Variants in ADGRA3 observed in about 807,000 individuals in gnomAD.
ADGRA3 encodes the protein adhesion G protein-coupled receptor A3.
Under a neutral mutation model 119.8 loss-of-function variants are expected in ADGRA3, and 56 were observed. The observed-to-expected ratio is 0.47, with a 90% confidence interval of 0.38 to 0.58. The LOEUF (loss-of-function observed/expected upper bound fraction) is 0.58, where lower values mean the gene tolerates loss of function less well. Ranked by LOEUF, ADGRA3 falls within the 20% of genes least tolerant of loss-of-function variation. The pLI is 0.00. For missense variants in ADGRA3, 1,516 were observed against 1,649.0 expected, an observed-to-expected ratio of 0.92 and a Z score of 1.40; for synonymous variants, 607 against 623.8, an observed-to-expected ratio of 0.97 and a Z score of 0.40.
intron 1 of ADGRA3, among the ~76,000 whole-genome samples, chr4:22,498,849 G>C (rs61793408): frequency 0.08 from 12,145 of 151,990 alleles, 635 homozygotes; most frequent in Middle Eastern, 0.12. Context: ...GGCAGGTAGA[G>C]GTTTCAGTGA....
chr4:22,421,854 C>G (rs1715700869), intron 11 of ADGRA3, among the ~76,000 whole-genome samples: 2 of 126,442 alleles, frequency 1.6e-5, no homozygotes, highest in African/African-American at 3.1e-5. Flanking sequence ...GCACTCCAGC[C>G]TGGACAACAG....
intron 1 of ADGRA3, among the ~76,000 whole-genome samples, chr4:22,476,672 T>G (rs1041934369): frequency 7.1e-6 from 1 of 141,176 alleles, no homozygotes; most frequent in South Asian, 2.2e-4. Context: ...CTGTTTTGGG[T>G]TTTTTTTTTT....
intron 2 of ADGRA3, among the ~76,000 whole-genome samples, chr4:22,467,260 A>T (rs1167015365): frequency 6.6e-6 from 1 of 152,226 alleles, no homozygotes; most frequent in Non-Finnish European, 1.5e-5. Context: ...AAAATTCTTC[A>T]TAATCAAATG....
At chr4:22,435,584 C>T (rs1240214643) in intron 9 of ADGRA3, 118 bp from the exon 10 acceptor site, 1 of 864,188 alleles carries the variant, frequency 1.2e-6, no homozygotes, top group South Asian at 2.6e-5. Context: ...TTATTATTTA[C>T]TCATCATGGC....
At chr4:22,392,195 T>G (rs1714160412) in intron 17 of ADGRA3, among the ~76,000 whole-genome samples, 1 of 152,196 alleles carries the variant, frequency 6.6e-6, no homozygotes, top group South Asian at 2.1e-4. Flanking sequence ...CATACTTGAG[T>G]ATGACATAAG....
At chr4:22,510,531 C>G (rs1192903820) in intron 1 of ADGRA3, among the ~76,000 whole-genome samples, 1 of 152,046 alleles carries the variant, frequency 6.6e-6, no homozygotes, top group Admixed American at 6.6e-5. Context: ...CTCCTCTCCC[C>G]TCTGTGCACT....
chr4:22,468,879 GTATC>G (rs1288813033), intron 2 of ADGRA3, among the ~76,000 whole-genome samples: 1 of 151,994 alleles, frequency 6.6e-6, no homozygotes, highest in Non-Finnish European at 1.5e-5. Context: ...TCTAAAAAAG[GTATC>G]TATCAAAAAA....
At chr4:22,406,610 A>G (rs1325632236) in intron 14 of ADGRA3, among the ~76,000 whole-genome samples, 1 of 152,102 alleles carries the variant, frequency 6.6e-6, no homozygotes, top group Non-Finnish European at 1.5e-5. Context: ...TCTTCTTTTC[A>G]GAGTATCTAG....
At position 22,401,552 on chromosome 4, in the gene ADGRA3, A is replaced by G. The variant is rs1027252943; in HGVS notation, c.2360T>C (p.Leu787Ser). The G allele has an allele frequency of 8.7e-6, 14 of 1,601,306 alleles. No homozygotes were observed. Among genetic ancestry groups the G allele is most frequent in the Non-Finnish European group, 1.2e-5 (14 of 1,172,454 alleles). The stretch of plus-strand genomic sequence containing the variant: ...CCAGCTCTTGAGGCTGATTCTAATC[A>G]AACTGTTTAAAAAAGAGAGAAAATA... ...VIVSYIYHHS[L>S]IRISLKSWHM... is the part of the protein sequence containing the mutation. Residue 787 changes from leucine (L) to serine (S), a missense_variant and splice_region_variant, in exon 16 of 19, where the codon TTG (leucine) becomes TCG (serine). Around this residue, in one of 2 missense-constraint regions of ADGRA3, gnomAD observed 1,088 missense variants for 1,107.1 expected, o/e 0.98. Coordinates refer to ENST00000334304, the MANE Select transcript of ADGRA3 (RefSeq NM_145290.4).
chr4:22,445,540 T>C (rs952763759), intron 5 of ADGRA3, among the ~76,000 whole-genome samples: 2 of 152,210 alleles, frequency 1.3e-5, no homozygotes, highest in African/African-American at 4.8e-5. Flanking sequence ...TCCACCATCA[T>C]TGCCACATTC....
At chr4:22,428,576 G>C (rs1013258185) in intron 10 of ADGRA3, among the ~76,000 whole-genome samples, 1 of 152,126 alleles carries the variant, frequency 6.6e-6, no homozygotes, top group East Asian at 1.9e-4. Context: ...ACAAATAGAG[G>C]AACCTACATT....
At position 22,424,324 on chromosome 4, in the gene ADGRA3, C is replaced by T; in HGVS notation, c.1472G>A (p.Ser491Asn). ...ACGTTCATCAGCCAACATGATGTTACTTGCAATGTCAACCATCACGTCACC... is the reference window on the plus strand; with the variant it reads ...ACGTTCATCAGCCAACATGATGTTATTTGCAATGTCAACCATCACGTCACC... ...ELGDVMVDIASNIMLADERVL... is the reference protein window; with the variant it reads ...ELGDVMVDIANNIMLADERVL... Residue 491 changes from serine to asparagine, a missense_variant, in exon 11 of 19, where the codon AGT becomes AAT. By Grantham distance (46) the Ser-to-Asn change is conservative (BLOSUM62 1). This residue lies in a region of ADGRA3 where 1,088 missense variants were observed against 1,107.1 expected (regional missense o/e 0.98). Transcript: ENST00000334304. The T allele has an allele frequency of 1.2e-6, 2 of 1,613,666 alleles. No individual in the cohort carries two copies. Among genetic ancestry groups the T allele is most frequent in the Non-Finnish European group, 1.7e-6 (2 of 1,179,740 alleles).
intron 12 of ADGRA3, among the ~76,000 whole-genome samples, chr4:22,419,480 A>C (rs996992102): frequency 4.6e-5 from 7 of 152,174 alleles, no homozygotes; most frequent in Non-Finnish European, 7.3e-5. Context: ...CTCTGGCCAC[A>C]GGATGATCTT....
At chr4:22,461,696 G>T in intron 3 of ADGRA3, 41 bp downstream of exon 3, 1 of 1,325,512 alleles carries the variant, frequency 7.5e-7, no homozygotes, top group South Asian at 1.3e-5. Flanking sequence ...ATTTATATAA[G>T]CAACAATTCA....
chr4:22,411,473 C>T (rs1464675928), intron 14 of ADGRA3, among the ~76,000 whole-genome samples: 4 of 152,214 alleles, frequency 2.6e-5, no homozygotes, highest in African/African-American at 9.6e-5. Flanking sequence ...GTGGTGCCTG[C>T]CTGTAATCCC....
chr4:22,433,056 C>T (rs1289037858), intron 10 of ADGRA3, among the ~76,000 whole-genome samples: 1 of 152,100 alleles, frequency 6.6e-6, no homozygotes, highest in Non-Finnish European at 1.5e-5. Context: ...AAAGCTATGG[C>T]CTGTGGTTCA....
chr4:22,508,132 T>A (rs897989993), intron 1 of ADGRA3, among the ~76,000 whole-genome samples: 1 of 152,316 alleles, frequency 6.6e-6, no homozygotes, highest in South Asian at 2.1e-4. Flanking sequence ...TTCAAGGGTA[T>A]ATGCATTCTG....
chr4:22,492,707 G>C (rs761676655), intron 1 of ADGRA3, among the ~76,000 whole-genome samples: 11 of 152,208 alleles, frequency 7.2e-5, no homozygotes, highest in Non-Finnish European at 1.5e-4. Flanking sequence ...CATTCTCACT[G>C]AAAAGATGGC....
intron 3 of ADGRA3, among the ~76,000 whole-genome samples, chr4:22,455,141 G>C (rs1717194910): frequency 6.6e-6 from 1 of 152,160 alleles, no homozygotes; most frequent in Admixed American, 6.5e-5. Context: ...GGCACGCACA[G>C]ACTCAATGCT....
Sources: allele counts gnomAD v4.1 joint callset (sites outside exome capture counted in the v4.1 genomes callset), GRCh38; gene constraint gnomAD v4.1.1; regional missense constraint gnomAD v4.1.1; transcripts MANE v1.5; gene names NCBI Gene and HGNC (gene_info 2026-07-23, HGNC 2026-07-21).